The following RIMBP2 variants were observed in gnomAD, a reference collection of about 807,000 sequenced individuals.
The protein encoded by RIMBP2 is RIMS-binding protein 2.
RIMBP2 carries 48 observed loss-of-function variants against 118.6 expected under a neutral mutation model. The ratio of observed to expected loss-of-function variants is 0.40; its 90% CI spans 0.32 to 0.51. The LOEUF (loss-of-function observed/expected upper bound fraction) is 0.51. Among genes scored for constraint, RIMBP2 ranks in the 20% least tolerant of loss-of-function variants. The pLI is 0.41. For synonymous variants in RIMBP2, 762 were observed against 742.9 expected, an observed-to-expected ratio of 1.03 and a Z score of -0.42; for missense variants, 1,551 against 1,768.3, an observed-to-expected ratio of 0.88 and a Z score of 2.20.
At chr12:130,561,111 C>G (rs1432035940) in intron 2 of RIMBP2, among the ~76,000 whole-genome samples, 1 of 152,114 alleles carries the variant, frequency 6.6e-6, no homozygotes, top group Non-Finnish European at 1.5e-5. Flanking sequence ...CCAAAGATGG[C>G]CACCAAATCA....
At chr12:130,503,861 C>T (rs946328146) in intron 4 of RIMBP2, among the ~76,000 whole-genome samples, 1 of 152,238 alleles carries the variant, frequency 6.6e-6, no homozygotes, top group African/African-American at 2.4e-5. Flanking sequence ...TTTATGCAAA[C>T]ATTCCACTTC....
chr12:130,645,434 C>A (rs2062820849), intron 1 of RIMBP2, among the ~76,000 whole-genome samples: 1 of 152,224 alleles, frequency 6.6e-6, no homozygotes, highest in Non-Finnish European at 1.5e-5. Flanking sequence ...CTCCAGGCCC[C>A]TGAAGTTCAC....
intron 1 of RIMBP2, among the ~76,000 whole-genome samples, chr12:130,656,581 G>C (rs543099118): frequency 6.6e-6 from 1 of 151,922 alleles, no homozygotes; most frequent in Non-Finnish European, 1.5e-5. Context: ...AATCTGCCCC[G>C]GGCTCCCCCT....
At chr12:130,415,770 C>T (rs186037618) in intron 17 of RIMBP2, among the ~76,000 whole-genome samples, 1 of 152,280 alleles carries the variant, frequency 6.6e-6, no homozygotes, top group Non-Finnish European at 1.5e-5. Flanking sequence ...AATTATCTCT[C>T]TTCACTGATG....
At chr12:130,453,256 CTG>C (rs1428429668) in intron 7 of RIMBP2, among the ~76,000 whole-genome samples, 2 of 152,206 alleles carry the variant, frequency 1.3e-5, no homozygotes, top group East Asian at 1.9e-4. Flanking sequence ...GCGCCTCACT[CTG>C]TGTCAGAGGT....
chr12:130,690,284 C>T (rs185720835), intron 1 of RIMBP2, among the ~76,000 whole-genome samples: 16 of 152,254 alleles, frequency 1.1e-4, no homozygotes, highest in African/African-American at 3.9e-4. Context: ...AGAGAGACAT[C>T]GTCCCATCCA....
intron 2 of RIMBP2, among the ~76,000 whole-genome samples, chr12:130,542,948 C>A (rs1447740440): frequency 1.3e-5 from 2 of 152,200 alleles, no homozygotes; most frequent in African/African-American, 4.8e-5. Flanking sequence ...GAGTTGGTTG[C>A]TGGACAAATC....
chr12:130,619,923 C>A (rs1033866793), intron 2 of RIMBP2, among the ~76,000 whole-genome samples: 4 of 152,144 alleles, frequency 2.6e-5, no homozygotes, highest in Non-Finnish European at 5.9e-5. Context: ...GCCCTGCAGA[C>A]ACATGCTGTC....
chr12:130,531,329 C>T (rs1444419812), intron 2 of RIMBP2, among the ~76,000 whole-genome samples: 1 of 152,312 alleles, frequency 6.6e-6, no homozygotes, highest in South Asian at 2.1e-4. Flanking sequence ...CTCTCCCCTG[C>T]CTCCTCCCAG....
chr12:130,600,563 C>G (rs2059815093), intron 2 of RIMBP2, among the ~76,000 whole-genome samples: 1 of 152,114 alleles, frequency 6.6e-6, no homozygotes, highest in African/African-American at 2.4e-5. Context: ...GATGTCAGCC[C>G]CAACAGAACC....
rs1156985936 is a variant in RIMBP2 at position 130,620,149 on chromosome 12, G to A, written c.-217+8173C>T. Among the ~76,000 whole-genome samples, 1 of 152,202 alleles carries A rather than the reference G, an allele frequency of 6.6e-6. No individual in the cohort carries two copies. Among genetic ancestry groups the A allele is most frequent in the East Asian group, 1.9e-4 (1 of 5,180 alleles). ...GACTCTGCTTTGGAAGTGGTCTGCT[G>A]AGGGCAGTCATGGTGCCTCACCCTC... On this transcript the variant is annotated intron_variant, in intron 2 of 22. Coordinates refer to ENST00000690449, the MANE Select transcript of RIMBP2 (RefSeq NM_001393629.1). The surrounding 1 kb of genome is among the most constrained non-coding windows in gnomAD (Gnocchi z 5.3).
chr12:130,490,210 C>A (rs1430901954), intron 4 of RIMBP2, among the ~76,000 whole-genome samples: 1 of 151,146 alleles, frequency 6.6e-6, no homozygotes, highest in Non-Finnish European at 1.5e-5. Flanking sequence ...TGAGTTGTTG[C>A]AACTGGACTC....
At chr12:130,487,066 C>T (rs989270153) in intron 4 of RIMBP2, among the ~76,000 whole-genome samples, 12 of 152,254 alleles carry the variant, frequency 7.9e-5, no homozygotes, top group Non-Finnish European at 1.6e-4. Flanking sequence ...CTTCTCTGCC[C>T]TCACCTCTCA....
chr12:130,404,444 C>A (rs560531590), intron 21 of RIMBP2, among the ~76,000 whole-genome samples: 2 of 152,162 alleles, frequency 1.3e-5, no homozygotes, highest in African/African-American at 4.8e-5. Flanking sequence ...ATTACAGGCA[C>A]ATGCCACCAC....
intron 1 of RIMBP2, among the ~76,000 whole-genome samples, chr12:130,679,831 G>A (rs913868732): frequency 1.3e-5 from 2 of 152,248 alleles, no homozygotes; most frequent in African/African-American, 2.4e-5. Context: ...TTCACCCACC[G>A]CGGGAAGGAC....
rs2632603 is a variant in RIMBP2 at position 130,703,756 on chromosome 12, C to A, written c.-352+12466G>T. Among the ~76,000 whole-genome samples the A allele has an allele frequency of 6.6e-6, 1 of 151,956 alleles. No homozygotes were observed. Among genetic ancestry groups the A allele is most frequent in the African/African-American group, 2.4e-5 (1 of 41,352 alleles). On this transcript the variant is annotated intron_variant, in intron 1 of 22. Transcript: ENST00000690449. The surrounding 1 kb of genome is among the most constrained non-coding windows in gnomAD (Gnocchi z 5.7). ...TAGTATATTGGGAGTGCGTTTGAAA[C>A]GGTGTTTCCTAGGGGAGAAGAAAGG...
intron 1 of RIMBP2, among the ~76,000 whole-genome samples, chr12:130,713,558 T>A (rs1950115975): frequency 6.6e-6 from 1 of 151,566 alleles, no homozygotes. Flanking sequence ...GAGAACAGAG[T>A]TTTCTGGAAT....
intron 2 of RIMBP2, among the ~76,000 whole-genome samples, chr12:130,600,062 G>A (rs2059780665): frequency 6.6e-6 from 1 of 152,156 alleles, no homozygotes; most frequent in Non-Finnish European, 1.5e-5. Flanking sequence ...TTCTAGTCTG[G>A]AGTTGCCCCA....
intron 4 of RIMBP2, among the ~76,000 whole-genome samples, chr12:130,491,750 G>A (rs1465175713): frequency 6.6e-6 from 1 of 152,202 alleles, no homozygotes; most frequent in African/African-American, 2.4e-5. Flanking sequence ...ACCTTCCCAG[G>A]GCACGTGCTG....
Sources: gnomAD v4.1 joint callset for allele counts (sites outside exome capture counted in the v4.1 genomes callset) on GRCh38, gnomAD v4.1.1 for gene constraint, Gnocchi (gnomAD v3.1) non-coding constraint, MANE v1.5 for transcripts, NCBI Gene and HGNC (gene_info 2026-07-23, HGNC 2026-07-21) for gene names.